The following RAB18 variants were observed in gnomAD, a reference collection of about 807,000 sequenced individuals.
RAB18 encodes the protein RAB18, member RAS oncogene family.
A neutral mutation model predicts 28.5 loss-of-function variants in RAB18; 10 were observed. The ratio of observed to expected loss-of-function variants is 0.35; its 90% CI spans 0.22 to 0.60. The LOEUF is 0.60. RAB18 is among the 20% of genes least tolerant of loss of function. RAB18 has a pLI of 0.78. For synonymous variants in RAB18, 93 were observed against 86.9 expected (o/e 1.07, Z -0.39); for missense variants, 188 against 244.2 (o/e 0.77, Z 1.53).
intron 3 of RAB18, among the ~76,000 whole-genome samples, chr10:27,532,038 C>G (rs538579869): frequency 6.6e-6 from 1 of 151,964 alleles, no homozygotes; most frequent in African/African-American, 2.4e-5. Context: ...ACCTAAAAAT[C>G]TGTTACCTAA....
rs144842608 is a variant in RAB18 at position 27,534,985 on chromosome 10, C to T, written c.445+991C>T. Among the ~76,000 whole-genome samples the T allele has an allele frequency of 1.2e-3, 185 of 152,312 alleles. 3 individuals carry two copies. The highest frequency in any genetic ancestry group is 4.4e-3 in the African/African-American group (181 of 41,564). Reference sequence around the variant, plus strand: ...ACAGTGGACAAAACTGACAAACTTTCTGCCCACATGGAGCTTACATTCTAG... The same window carrying T: ...ACAGTGGACAAAACTGACAAACTTTTTGCCCACATGGAGCTTACATTCTAG... On this transcript the variant is annotated intron_variant, in intron 6 of 6. Transcript: ENST00000356940.
intron 6 of RAB18, among the ~76,000 whole-genome samples, chr10:27,537,651 T>G (rs564085759): frequency 1.3e-5 from 2 of 152,158 alleles, no homozygotes; most frequent in Non-Finnish European, 2.9e-5. Flanking sequence ...TAAACCAGTG[T>G]TTTTTTGGTA....
intron 4 of RAB18, 51 bp downstream of exon 4, chr10:27,532,630 A>T (rs748136106): frequency 1.4e-6 from 2 of 1,381,898 alleles, no homozygotes; most frequent in Non-Finnish European, 2.1e-6. Context: ...GGAGTTTCTG[A>T]TTGTCCTAGT....
chr10:27,505,114 CAGA>C (rs753696835), intron 1 of RAB18: 5 of 532,792 alleles, frequency 9.4e-6, no homozygotes, highest in Non-Finnish European at 1.5e-5. Context: ...CCTGTGGAGA[CAGA>C]AGATTAGTGT....
rs571823288 is a variant in RAB18, at chr10:27,512,329, C to T, written c.124+2399C>T. ...TTAATTTTATTTATTTATTTTTAGA[C>T]ACAGTCTTGCTCTGTTGCCCAGGCT... On this transcript the variant is annotated intron_variant, in intron 2 of 6. Transcript: ENST00000356940. Among the ~76,000 whole-genome samples the T allele has an allele frequency of 3.3e-5, 5 of 151,814 alleles. No individual in the cohort carries two copies. In the South Asian group the frequency reaches 1.0e-3, roughly 32 times the overall value.
chr10:27,531,974 G>C (rs1191269029), intron 3 of RAB18, among the ~76,000 whole-genome samples: 2 of 151,808 alleles, frequency 1.3e-5, no homozygotes, highest in Admixed American at 6.6e-5. Flanking sequence ...AGAATGGCTT[G>C]GTTATATGCA....
Position 27,538,312 on chromosome 10 carries a change from T to C in RAB18, c.*261T>C. The C allele has an allele frequency of 1.7e-6, 1 of 578,056 alleles. No individual in the cohort carries two copies. Among genetic ancestry groups the C allele is most frequent in the Non-Finnish European group, 3.2e-6 (1 of 308,344 alleles). The allele number at this position is 578,056 out of a possible 1,614,324, so 35.8% of individuals were successfully genotyped here. On this transcript the variant is annotated 3_prime_UTR_variant, in exon 7 of 7. Transcript: ENST00000356940. The stretch of plus-strand genomic sequence containing the variant: ...AGTACATTCAATTTTATGATTTACA[T>C]TTATCATGTAATTTTTAAAAAAATC...
In RAB18 at chr10:27,533,950, A is replaced by G. The variant is rs1349691044; in HGVS notation, c.401A>G (p.Asn134Ser). Residue 134 changes from asparagine (N) to serine (S), a missense_variant, in exon 6 of 7, where the codon AAT becomes AGT. Transcript: ENST00000356940. ...TAGGAAAATCGTGAAGTCGATAGAA[A>G]TGAAGGCCTGAAATTTGCACGAAAG... is the stretch of plus-strand genomic sequence containing the variant. The part of the protein sequence containing the change: ...IDKENREVDR[N>S]EGLKFARKHS... 2.5e-6 allele frequency: 4 copies of G among 1,609,632 alleles called. No individual in the cohort carries two copies. In the African/African-American group the frequency reaches 5.3e-5, roughly 22 times the overall value.
chr10:27,539,831 T>G lies in RAB18; in HGVS notation c.*1780T>G, dbSNP rs1044515116. On this transcript the variant is annotated 3_prime_UTR_variant, in exon 7 of 7. Coordinates refer to ENST00000356940, the MANE Select transcript of RAB18 (RefSeq NM_021252.5). ...ATAAATATAGCCTGCTTTCCCTAGA[T>G]GCATTTGTGTAGGAAGTATATACAT... is the stretch of plus-strand genomic sequence containing the variant. The G allele has an allele frequency of 4.4e-6, 2 of 453,828 alleles. No homozygotes were observed. The highest frequency in any genetic ancestry group is 4.0e-5 in the African/African-American group (2 of 50,002). The allele number at this position is 453,828 out of a possible 1,614,324, so 28.1% of individuals were successfully genotyped here.
At chr10:27,518,677 A>G (rs2132384016) in intron 2 of RAB18, among the ~76,000 whole-genome samples, 1 of 152,086 alleles carries the variant, frequency 6.6e-6, no homozygotes, top group South Asian at 2.1e-4. Flanking sequence ...CTGTTATTAG[A>G]TGATATATGC....
intron 2 of RAB18, among the ~76,000 whole-genome samples, chr10:27,515,933 A>G (rs1052225662): frequency 6.6e-6 from 1 of 152,114 alleles, no homozygotes; most frequent in Non-Finnish European, 1.5e-5. Context: ...AGTTGCACAT[A>G]GTATTATTTT....
intron 2 of RAB18, among the ~76,000 whole-genome samples, chr10:27,520,610 A>C (rs1263087299): frequency 2.0e-5 from 3 of 152,082 alleles, no homozygotes; most frequent in Admixed American, 1.3e-4. Flanking sequence ...TTTATAATAT[A>C]TTCATTTACA....
intron 1 of RAB18, among the ~76,000 whole-genome samples, chr10:27,506,108 T>C (rs552691523): frequency 6.6e-6 from 1 of 152,268 alleles, no homozygotes; most frequent in African/African-American, 2.4e-5. Context: ...CTTTTTCTTT[T>C]CTCCTTTTTT....
chr10:27,527,593 T>C (rs1834703046), intron 3 of RAB18, among the ~76,000 whole-genome samples: 1 of 112,034 alleles, frequency 8.9e-6, no homozygotes, highest in Non-Finnish European at 2.0e-5. Context: ...TATATATATG[T>C]ATATTCTAAA....
chr10:27,521,646 A>G (rs61843363), intron 2 of RAB18, among the ~76,000 whole-genome samples: 66,438 of 151,982 alleles, frequency 0.44, 15,052 homozygotes, highest in Non-Finnish European at 0.5. Context: ...TAGCTAAGCT[A>G]TGAAGACACA....
chr10:27,510,127 T>C, intron 2 of RAB18, 197 bp downstream of exon 2: 2 of 603,960 alleles, frequency 3.3e-6, no homozygotes, highest in African/African-American at 1.9e-5. Flanking sequence ...AGAAAATAAC[T>C]TCCTTATCTG....
At chr10:27,511,495 C>T (rs919941994) in intron 2 of RAB18, among the ~76,000 whole-genome samples, 1 of 152,104 alleles carries the variant, frequency 6.6e-6, no homozygotes, top group Admixed American at 6.6e-5. Flanking sequence ...TGTGAGCCAC[C>T]GCGTCGAGCC....
chr10:27,523,265 C>CTTTTTTTTTTTTTTTTTT (rs34006982), intron 2 of RAB18, among the ~76,000 whole-genome samples: 4 of 79,540 alleles, frequency 5.0e-5, no homozygotes, highest in East Asian at 5.5e-4. Context: ...TTTTCTTCTT[C>CTTTTTTTTTTTTTTTTTT]TTTTTTTTTT....
chr10:27,512,757 G>A (rs1033643377), intron 2 of RAB18, among the ~76,000 whole-genome samples: 8 of 152,104 alleles, frequency 5.3e-5, no homozygotes, highest in Non-Finnish European at 1.0e-4. Context: ...AAATTTTACT[G>A]AAGGAATGAA....
Sources: allele counts gnomAD v4.1 joint callset (sites outside exome capture counted in the v4.1 genomes callset), GRCh38; gene constraint gnomAD v4.1.1; transcripts MANE v1.5; gene names NCBI Gene and HGNC (gene_info 2026-07-23, HGNC 2026-07-21).